The following GLI3 variants were observed in gnomAD, a reference collection of about 807,000 sequenced individuals.
The protein encoded by GLI3 is GLI family zinc finger 3.
A neutral mutation model predicts 100.8 loss-of-function variants in GLI3; 20 were observed. That is an observed-to-expected ratio of 0.20 (90% CI 0.14 to 0.29). The LOEUF (loss-of-function observed/expected upper bound fraction) is 0.29. Ranked by LOEUF, GLI3 falls within the 10% of genes least tolerant of loss-of-function variation. The probability of loss-of-function intolerance (pLI) is 1.00; values close to 1 mark genes in which losing one functional copy is unlikely to be tolerated. For missense variants in GLI3, 2,040 were observed against 2,128.5 expected (o/e 0.96, Z 0.82); for synonymous variants, 938 against 860.5 (o/e 1.09, Z -1.58).
chr7:42,151,704 A>G (rs1786867892), intron 2 of GLI3: 1 of 152,204 alleles, frequency 6.6e-6, no homozygotes, highest in South Asian at 2.1e-4. Flanking sequence ...TCAGGAAAAA[A>G]TGACTTTAAA....
intron 2 of GLI3, among the ~76,000 whole-genome samples, chr7:42,201,609 G>A (rs6974454): frequency 0.033 from 5,025 of 152,240 alleles, 112 homozygotes; most frequent in Non-Finnish European, 0.048. Flanking sequence ...AGAACATTAT[G>A]GAGTGCATTT....
chr7:42,013,065 C>T lies in GLI3; in HGVS notation c.1497+10403G>A, dbSNP rs183046290. Among the ~76,000 whole-genome samples the T allele has an allele frequency of 2.3e-3, 346 of 152,298 alleles. 4 individuals carry two copies. The highest frequency in any genetic ancestry group is 1.8e-3 in the Non-Finnish European group (123 of 68,034). On this transcript the variant is annotated intron_variant, in intron 10 of 14. Coordinates refer to ENST00000395925, the MANE Select transcript of GLI3 (RefSeq NM_000168.6). ...CGGTTATGTTAGAGACATGGTTGAC[C>T]GGAGAGAGTCCTGTGAATCTAACAG... is the stretch of plus-strand genomic sequence containing the variant.
chr7:42,063,115 C>T (rs1784604834), intron 4 of GLI3, among the ~76,000 whole-genome samples: 1 of 152,108 alleles, frequency 6.6e-6, no homozygotes, highest in Non-Finnish European at 1.5e-5. Flanking sequence ...TGAAGAAGTG[C>T]TCGTTTTTCA....
Position 41,962,441 on chromosome 7 carries a change from C to CA in GLI3, c.*1888dup, listed in dbSNP as rs1374458559. 1 of 152,208 alleles carries CA rather than the reference C, an allele frequency of 6.6e-6. No individual in the cohort carries two copies. Among genetic ancestry groups the CA allele is most frequent in the Non-Finnish European group, 1.5e-5 (1 of 68,042 alleles). 9.4% of individuals were successfully genotyped at this position (152,208 alleles called of 1,614,324 possible). A position where few individuals can be genotyped will look rare whatever the true frequency, so the allele number is the denominator to read the frequency against. The stretch of plus-strand genomic sequence containing the variant: ...GGTAGAGCCTCTACTTTCCTATGCT[C>CA]AGATCAGTAGTTCTCTTTTGTTATG... On this transcript the variant is annotated 3_prime_UTR_variant, in exon 15 of 15. Transcript: ENST00000395925.
At chr7:42,195,277 A>G (rs1035534105) in intron 2 of GLI3, among the ~76,000 whole-genome samples, 1 of 152,204 alleles carries the variant, frequency 6.6e-6, no homozygotes, top group Non-Finnish European at 1.5e-5. Context: ...CCTTAAGGAT[A>G]AAATGAAACA....
intron 2 of GLI3, among the ~76,000 whole-genome samples, chr7:42,207,926 G>A (rs1167576775): frequency 6.6e-6 from 1 of 152,180 alleles, no homozygotes; most frequent in East Asian, 1.9e-4. Flanking sequence ...GAGAGGCCAA[G>A]GTGGGTAGAA....
At position 41,966,481 on chromosome 7, in the gene GLI3, G is replaced by C. The variant is rs746805795; in HGVS notation, c.2592C>G (p.Ser864=). ...TGGAGAAGCAGGGCGAGATCCCTGA[G>C]GAGCGGCGGCTGCTCAGGTAGGCCG... ...ISSAYLSSRR[S]SGISPCFSSR... is the part of the protein sequence containing the mutation. The change falls in exon 15 of 15, where the codon TCC becomes TCG. Residue 864 remains serine, a synonymous_variant. Transcript: ENST00000395925. The surrounding 1 kb of genome is among the most constrained non-coding windows in gnomAD (Gnocchi z 5.8). 6.2e-7 allele frequency: 1 copy of C among 1,613,192 alleles called. No individual in the cohort carries two copies. The highest frequency in any genetic ancestry group is 1.7e-5 in the Admixed American group (1 of 60,024).
chr7:42,112,924 T>C (rs918488577), intron 3 of GLI3, among the ~76,000 whole-genome samples: 8 of 152,004 alleles, frequency 5.3e-5, no homozygotes, highest in Non-Finnish European at 1.0e-4. Flanking sequence ...TGTAATCCCA[T>C]CACTTTGGGA....
At chr7:42,066,233 C>T (rs577363468) in intron 4 of GLI3, among the ~76,000 whole-genome samples, 1 of 152,224 alleles carries the variant, frequency 6.6e-6, no homozygotes, top group African/African-American at 2.4e-5. Flanking sequence ...GTGCCTAGGA[C>T]AAAGACCTCA....
intron 2 of GLI3, among the ~76,000 whole-genome samples, chr7:42,177,866 TATG>T (rs1787511869): frequency 6.6e-6 from 1 of 152,192 alleles, no homozygotes; most frequent in Non-Finnish European, 1.5e-5. Context: ...ATGTCTAACA[TATG>T]ATGTCTGGAG....
rs1239628459 is a variant in GLI3, at chr7:42,166,151, C to T, written c.125-17683G>A. The stretch of plus-strand genomic sequence containing the variant: ...CCATCCTCAGCCCCTTCTGTCCCAT[C>T]TTCTGAGCCTGCTCAACTTTCCACC... On this transcript the variant is annotated intron_variant, in intron 2 of 14. Transcript: ENST00000395925. Among the ~76,000 whole-genome samples the T allele has an allele frequency of 5.9e-5, 9 of 152,220 alleles. No individual in the cohort carries two copies. The South Asian group carries it at 1.9e-3, about 32-fold the overall frequency.
At chr7:42,154,028 G>A (rs1330064776) in intron 2 of GLI3, among the ~76,000 whole-genome samples, 1 of 151,808 alleles carries the variant, frequency 6.6e-6, no homozygotes, top group Non-Finnish European at 1.5e-5. Flanking sequence ...CTCTGTTCCT[G>A]GGTAGGCTTT....
chr7:42,068,549 A>G (rs2128749517), intron 4 of GLI3, among the ~76,000 whole-genome samples: 1 of 152,230 alleles, frequency 6.6e-6, no homozygotes, highest in South Asian at 2.1e-4. Context: ...CTTCATACTC[A>G]AAAAGTTAGC....
intron 2 of GLI3, among the ~76,000 whole-genome samples, chr7:42,166,414 G>A (rs1418289152): frequency 1.3e-5 from 2 of 152,130 alleles, no homozygotes; most frequent in Non-Finnish European, 1.5e-5. Flanking sequence ...TGCTGTTGCT[G>A]TTCTTGCTGT....
At chr7:42,061,319 T>C (rs1452826877) in intron 4 of GLI3, among the ~76,000 whole-genome samples, 1 of 152,196 alleles carries the variant, frequency 6.6e-6, no homozygotes, top group Non-Finnish European at 1.5e-5. Flanking sequence ...CTAGCTAGTA[T>C]AAAGACTTTT....
At chr7:42,063,941 C>T (rs1784623719) in intron 4 of GLI3, among the ~76,000 whole-genome samples, 1 of 152,198 alleles carries the variant, frequency 6.6e-6, no homozygotes, top group Admixed American at 6.5e-5. Context: ...CCTACACTTA[C>T]ATTTTTAACA....
intron 3 of GLI3, among the ~76,000 whole-genome samples, chr7:42,142,267 G>A (rs1408272119): frequency 5.9e-5 from 9 of 152,106 alleles, no homozygotes; most frequent in Non-Finnish European, 1.2e-4. Flanking sequence ...ATACAAGCAG[G>A]GCAACAAGGG....
At position 42,132,514 on chromosome 7, in the gene GLI3, T is replaced by A. The variant is rs1786316583; in HGVS notation, c.367+15712A>T. Among the ~76,000 whole-genome samples the A allele has an allele frequency of 2.6e-5, 4 of 152,202 alleles. No individual in the cohort carries two copies. In the South Asian group the frequency reaches 8.3e-4, roughly 32 times the overall value. On this transcript the variant is annotated intron_variant, in intron 3 of 14. Transcript: ENST00000395925. ...GCTTCAAGGTTTCTTTCTTGCTGGATCTTTCCTAGAAAAACAACAAACTAA... is the reference window on the plus strand; with the variant it reads ...GCTTCAAGGTTTCTTTCTTGCTGGAACTTTCCTAGAAAAACAACAAACTAA...
At chr7:42,012,245 C>A (rs982942330) in intron 10 of GLI3, among the ~76,000 whole-genome samples, 1 of 152,136 alleles carries the variant, frequency 6.6e-6, no homozygotes, top group Non-Finnish European at 1.5e-5. Context: ...ACAGACAGCC[C>A]TGTTACAGAG....
Sources: gnomAD v4.1 joint callset for allele counts (sites outside exome capture counted in the v4.1 genomes callset) on GRCh38, gnomAD v4.1.1 for gene constraint, Gnocchi (gnomAD v3.1) non-coding constraint, MANE v1.5 for transcripts, NCBI Gene and HGNC (gene_info 2026-07-23, HGNC 2026-07-21) for gene names.